Variants in TMEM132D observed in about 807,000 individuals in gnomAD.
The protein encoded by TMEM132D is mature OL transmembrane protein.
TMEM132D carries 21 observed loss-of-function variants against 62.3 expected under a neutral mutation model. The observed-to-expected ratio is 0.34, with a 90% CI of 0.24 to 0.49. TMEM132D has a LOEUF of 0.49. TMEM132D is among the 20% of genes least tolerant of loss of function. The pLI is 0.99. For missense variants in TMEM132D, 1,346 were observed against 1,402.8 expected (o/e 0.96, Z 0.65); for synonymous variants, 621 against 575.6 (o/e 1.08, Z -1.13).
chr12:129,409,212 C>T (rs1021182470), intron 3 of TMEM132D, among the ~76,000 whole-genome samples: 3 of 152,170 alleles, frequency 2.0e-5, no homozygotes, highest in Non-Finnish European at 4.4e-5. Context: ...GGATTACAGG[C>T]ATGAGCCACC....
At chr12:129,384,097 G>T (rs1365867560) in intron 3 of TMEM132D, among the ~76,000 whole-genome samples, 1 of 152,210 alleles carries the variant, frequency 6.6e-6, no homozygotes, top group Non-Finnish European at 1.5e-5. Context: ...CCGAAGGCTG[G>T]AACAACACAT....
chr12:129,322,835 G>A (rs1868767026), intron 4 of TMEM132D, among the ~76,000 whole-genome samples: 1 of 151,988 alleles, frequency 6.6e-6, no homozygotes, highest in African/African-American at 2.4e-5. Flanking sequence ...TTTCAAAATG[G>A]GAATGACAGA....
intron 1 of TMEM132D, among the ~76,000 whole-genome samples, chr12:129,870,274 T>A (rs141665317): frequency 1.3e-5 from 2 of 152,122 alleles, no homozygotes; most frequent in Non-Finnish European, 2.9e-5. Flanking sequence ...TGAGCCACCA[T>A]GCCAGCCACG....
intron 3 of TMEM132D, among the ~76,000 whole-genome samples, chr12:129,420,134 G>A (rs879260590): frequency 6.6e-6 from 1 of 152,108 alleles, no homozygotes; most frequent in Non-Finnish European, 1.5e-5. Context: ...CAGAGGAAAG[G>A]TGTGCTGTGG....
At chr12:129,679,058 G>A (rs994560078) in intron 2 of TMEM132D, among the ~76,000 whole-genome samples, 8 of 151,412 alleles carry the variant, frequency 5.3e-5, no homozygotes, top group Non-Finnish European at 8.9e-5. Context: ...TCTCTTTAGT[G>A]TCGTATCCAT....
intron 1 of TMEM132D, chr12:129,852,761 G>A (rs1022820915): frequency 6.6e-6 from 1 of 151,996 alleles, no homozygotes; most frequent in Admixed American, 6.6e-5. Flanking sequence ...CCTGCATCAG[G>A]CTTATACAAG....
chr12:129,122,764 T>G (rs1876104668), intron 5 of TMEM132D, among the ~76,000 whole-genome samples: 1 of 152,230 alleles, frequency 6.6e-6, no homozygotes, highest in African/African-American at 2.4e-5. Flanking sequence ...TCTTTTGTAG[T>G]GAGAATTATG....
At position 129,413,602 on chromosome 12, in the gene TMEM132D, T is replaced by C. The variant is rs78615959; in HGVS notation, c.1116-75785A>G. On this transcript the variant is annotated intron_variant, in intron 3 of 8. Coordinates refer to ENST00000422113, the MANE Select transcript of TMEM132D (RefSeq NM_133448.3). The stretch of plus-strand genomic sequence containing the variant: ...ATATTGGAGAGAATTAGATACATCC[T>C]TTTCTTTTTTTGGCAAGCACCTTCC... Among the ~76,000 whole-genome samples the C allele has an allele frequency of 5.8e-3, 891 of 152,312 alleles. 13 individuals are homozygous for C. Among genetic ancestry groups the C allele is most frequent in the African/African-American group, 0.02 (838 of 41,566 alleles).
At chr12:129,822,962 G>A (rs1263758751) in intron 1 of TMEM132D, among the ~76,000 whole-genome samples, 2 of 152,200 alleles carry the variant, frequency 1.3e-5, no homozygotes, top group Non-Finnish European at 2.9e-5. Context: ...TGTTGGGGAT[G>A]GGACCTGGTG....
At chr12:129,810,572 A>C (rs919151425) in intron 1 of TMEM132D, among the ~76,000 whole-genome samples, 4 of 123,170 alleles carry the variant, frequency 3.2e-5, no homozygotes, top group Admixed American at 1.6e-4. Context: ...ACACACACAC[A>C]CCCCCCCACA....
At chr12:129,887,216 C>G (rs1271183619) in intron 1 of TMEM132D, among the ~76,000 whole-genome samples, 1 of 152,150 alleles carries the variant, frequency 6.6e-6, no homozygotes, top group Non-Finnish European at 1.5e-5. Context: ...GGAGCCTGTG[C>G]AGACCGCCCG....
At position 129,130,143 on chromosome 12, in the gene TMEM132D, C is replaced by G. The variant is rs936600623; in HGVS notation, c.1444-45441G>C. On this transcript the variant is annotated intron_variant, in intron 5 of 8. Coordinates refer to ENST00000422113, the MANE Select transcript of TMEM132D (RefSeq NM_133448.3). ...ACTGTGATGTGTCCCTGGAACCCCTCTCTAGGAAGGGAGGATGGATTCCTT... is the reference window on the plus strand; with the variant it reads ...ACTGTGATGTGTCCCTGGAACCCCTGTCTAGGAAGGGAGGATGGATTCCTT... 2.7e-5 allele frequency among the ~76,000 whole-genome samples: 4 copies of G among 150,450 alleles called. No homozygotes were observed. The East Asian group carries it at 7.9e-4, about 30-fold the overall frequency.
intron 1 of TMEM132D, among the ~76,000 whole-genome samples, chr12:129,832,580 C>T (rs1872876439): frequency 6.6e-6 from 1 of 152,130 alleles, no homozygotes; most frequent in Non-Finnish European, 1.5e-5. Flanking sequence ...TGATGCATAT[C>T]TGAGTATTTT....
intron 1 of TMEM132D, among the ~76,000 whole-genome samples, chr12:129,770,664 AC>A (rs1440375687): frequency 2.0e-5 from 3 of 152,154 alleles, no homozygotes; most frequent in Admixed American, 6.5e-5. Flanking sequence ...CACCTAACCT[AC>A]GGAACATCAC....
intron 1 of TMEM132D, among the ~76,000 whole-genome samples, chr12:129,765,923 C>A (rs1870537459): frequency 6.6e-6 from 1 of 152,212 alleles, no homozygotes; most frequent in African/African-American, 2.4e-5. Flanking sequence ...GGCTGTTCTG[C>A]TCACCAGTGT....
intron 1 of TMEM132D, among the ~76,000 whole-genome samples, chr12:129,894,497 C>T (rs538957234): frequency 5.9e-5 from 9 of 152,134 alleles, no homozygotes; most frequent in South Asian, 2.1e-4. Context: ...TTAAAGACCC[C>T]GGGTCAGCCT....
chr12:129,214,790 A>G (rs1214555171), intron 4 of TMEM132D, among the ~76,000 whole-genome samples: 2 of 152,240 alleles, frequency 1.3e-5, no homozygotes, highest in Non-Finnish European at 2.9e-5. Context: ...AGCTATTATT[A>G]AAAAGATTTT....
rs138188638 is a variant in TMEM132D at position 129,129,453 on chromosome 12, G to A, written c.1444-44751C>T. Among the ~76,000 whole-genome samples the A allele has an allele frequency of 1.0e-2, 1,517 of 152,284 alleles. 15 individuals carry two copies. Among genetic ancestry groups the A allele is most frequent in the Admixed American group, 0.017 (263 of 15,294 alleles). Reference sequence around the variant, plus strand: ...GTGAATAGTGCTGCAATAAACATGAGAGTGCATATGTCATGTTGGTGGAAT... The same window carrying A: ...GTGAATAGTGCTGCAATAAACATGAAAGTGCATATGTCATGTTGGTGGAAT... On this transcript the variant is annotated intron_variant, in intron 5 of 8. Transcript: ENST00000422113.
chr12:129,083,908 A>G (rs1210616054), intron 6 of TMEM132D, among the ~76,000 whole-genome samples: 2 of 152,188 alleles, frequency 1.3e-5, no homozygotes, highest in Non-Finnish European at 2.9e-5. Flanking sequence ...CCATCGGGGT[A>G]ATGTACCAGA....
Sources: gnomAD v4.1 joint callset for allele counts (sites outside exome capture counted in the v4.1 genomes callset) on GRCh38, gnomAD v4.1.1 for gene constraint, MANE v1.5 for transcripts, NCBI Gene and HGNC (gene_info 2026-07-23, HGNC 2026-07-21) for gene names.